The following CFAP97 variants were observed in gnomAD, a reference collection of about 807,000 sequenced individuals.
CFAP97 encodes cilia and flagella associated protein 97, also known as cilia- and flagella-associated protein 97.
CFAP97 carries 36 observed loss-of-function variants against 43.1 expected under a neutral mutation model. That is an observed-to-expected ratio of 0.84 (90% confidence interval 0.64 to 1.10). The LOEUF is 1.10. Among genes scored for constraint, CFAP97 ranks in the 50% least tolerant of loss-of-function variants. The pLI is 0.00. For missense variants in CFAP97, 657 were observed against 620.3 expected (o/e 1.06, Z -0.63); for synonymous variants, 228 against 225.7 (o/e 1.01, Z -0.09).
intron 3 of CFAP97, among the ~76,000 whole-genome samples, chr4:185,164,987 C>G (rs184634296): frequency 6.6e-6 from 1 of 152,324 alleles, no homozygotes; most frequent in African/African-American, 2.4e-5. Context: ...GAAAGGCCAG[C>G]AGGGAGGGCC....
chr4:185,190,649 C>T lies in CFAP97; in HGVS notation c.548G>A (p.Gly183Asp). The change falls in exon 2 of 5, where the codon GGT becomes GAT. Residue 183 changes from glycine (G) to aspartate (D), a missense_variant. By Grantham distance (94) the Gly-to-Asp change is moderately conservative. Transcript: ENST00000458385. ...SSSSLSSSSS[G>D]SGTDCLDAGS... is the part of the protein sequence containing the mutation. ...TGCATCTAAACAATCTGTACCTGAA[C>T]CTGAAGATGAGGAAGATAAAGAGGA... The T allele has an allele frequency of 6.3e-7, 1 of 1,586,140 alleles. No homozygotes were observed. Among genetic ancestry groups the T allele is most frequent in the Non-Finnish European group, 8.6e-7 (1 of 1,165,144 alleles).
intron 1 of CFAP97, among the ~76,000 whole-genome samples, chr4:185,198,154 C>T (rs1475816675): frequency 3.9e-5 from 6 of 152,136 alleles, no homozygotes; most frequent in Admixed American, 1.3e-4. Context: ...AGAAAAGAAG[C>T]CTGCTCAGCC....
intron 2 of CFAP97, among the ~76,000 whole-genome samples, chr4:185,176,981 T>C (rs900315047): frequency 2.0e-5 from 3 of 152,252 alleles, no homozygotes; most frequent in African/African-American, 7.2e-5. Flanking sequence ...TTTTGCATAC[T>C]ATAATTTTTA....
intron 2 of CFAP97, 142 bp downstream of exon 2, chr4:185,190,001 G>A: frequency 1.7e-6 from 1 of 580,690 alleles, no homozygotes; most frequent in Non-Finnish European, 2.8e-6. Flanking sequence ...GTAAAATAGA[G>A]TATTTGGTAA....
At chr4:185,182,417 A>T (rs1470583381) in intron 2 of CFAP97, 3 of 152,186 alleles carry the variant, frequency 2.0e-5, no homozygotes, top group African/African-American at 7.2e-5. Flanking sequence ...GAGCTAAAAG[A>T]GGTTGAATAT....
chr4:185,208,246 A>G (rs1273881219), upstream of CFAP97, among the ~76,000 whole-genome samples: 1 of 151,926 alleles, frequency 6.6e-6, no homozygotes, highest in Non-Finnish European at 1.5e-5. Context: ...TTGAACTCCT[A>G]ACTTCATGAT....
At chr4:185,177,298 G>A (rs1735589823) in intron 2 of CFAP97, among the ~76,000 whole-genome samples, 2 of 151,524 alleles carry the variant, frequency 1.3e-5, no homozygotes, top group Admixed American at 6.6e-5. Flanking sequence ...CTGTAATCTC[G>A]GCTACTCAGC....
chr4:185,171,045 C>T (rs1735285092), intron 3 of CFAP97, among the ~76,000 whole-genome samples: 1 of 144,022 alleles, frequency 6.9e-6, no homozygotes, highest in African/African-American at 2.5e-5. Context: ...TTCATACATG[C>T]CTTTTATTTT....
chr4:185,192,816 G>C (rs576058048), intron 1 of CFAP97, among the ~76,000 whole-genome samples: 63 of 138,572 alleles, frequency 4.5e-4, no homozygotes, highest in African/African-American at 1.1e-3. Context: ...TCTCGGCTCA[G>C]TGCAAGCTCC....
chr4:185,196,137 TCCA>T (rs1736530832), intron 1 of CFAP97, among the ~76,000 whole-genome samples: 1 of 152,192 alleles, frequency 6.6e-6, no homozygotes, highest in African/African-American at 2.4e-5. Context: ...GTAGCTCATG[TCCA>T]TCATTAAACT....
chr4:185,189,437 C>T (rs954556929), intron 2 of CFAP97, among the ~76,000 whole-genome samples: 1 of 152,068 alleles, frequency 6.6e-6, no homozygotes, highest in Non-Finnish European at 1.5e-5. Flanking sequence ...TTATCATCAA[C>T]GGACCTAAAA....
intron 3 of CFAP97, 85 bp downstream of exon 3, chr4:185,175,701 G>T: frequency 1.6e-6 from 2 of 1,232,644 alleles, no homozygotes; most frequent in Non-Finnish European, 1.1e-6. Flanking sequence ...TTGAATATTT[G>T]GCTGTATTTA....
chr4:185,188,131 G>A (rs951666879), intron 2 of CFAP97, among the ~76,000 whole-genome samples: 9 of 152,004 alleles, frequency 5.9e-5, no homozygotes, highest in Non-Finnish European at 8.8e-5. Context: ...TCTTGAGCTC[G>A]TGATCCGCCT....
chr4:185,209,256 T>C lies in CFAP97; in HGVS notation c.-74+69A>G, dbSNP rs1172848804. 6.6e-6 allele frequency: 1 copy of C among 152,214 alleles called. No homozygotes were observed. Among genetic ancestry groups the C allele is most frequent in the Non-Finnish European group, 1.5e-5 (1 of 68,032 alleles). 9.4% of individuals were successfully genotyped at this position (152,214 alleles called of 1,614,324 possible). A position where few individuals can be genotyped will look rare whatever the true frequency, so the allele number is the denominator to read the frequency against. The stretch of plus-strand genomic sequence containing the variant: ...CGAGTGAAAACCAGGCAGAAATGTT[T>C]GCCGGCTGTAAGCAAAGCGAAGAGG... On this transcript the variant is annotated intron_variant, in intron 1 of 2. Transcript: ENST00000503223. This position sits in a 1 kb window ranked among gnomAD's most constrained non-coding sequence, Gnocchi z 5.2.
intron 2 of CFAP97, among the ~76,000 whole-genome samples, chr4:185,189,450 C>A (rs1360058171): frequency 6.6e-6 from 1 of 152,062 alleles, no homozygotes; most frequent in Non-Finnish European, 1.5e-5. Flanking sequence ...ACCTAAAACC[C>A]ACCCAGTATT....
At chr4:185,171,283 T>A (rs1211531979) in intron 3 of CFAP97, among the ~76,000 whole-genome samples, 1 of 152,102 alleles carries the variant, frequency 6.6e-6, no homozygotes. Flanking sequence ...GAGGATCACT[T>A]CAGCCCAGGA....
chr4:185,167,917 T>G (rs1735131722), intron 3 of CFAP97, among the ~76,000 whole-genome samples: 1 of 148,874 alleles, frequency 6.7e-6, no homozygotes, highest in South Asian at 2.1e-4. Context: ...GAGAATCACT[T>G]GAACCTGGAA....
intron 1 of CFAP97, among the ~76,000 whole-genome samples, chr4:185,193,140 T>C (rs1736377571): frequency 1.3e-5 from 2 of 152,150 alleles, no homozygotes; most frequent in East Asian, 1.9e-4. Context: ...GATCAGCTTA[T>C]TGTTGCCAGA....
chr4:185,168,880 T>G (rs903515973), intron 3 of CFAP97: 5 of 150,726 alleles, frequency 3.3e-5, no homozygotes, highest in African/African-American at 7.3e-5. Flanking sequence ...GCCACTGCAC[T>G]CCAGCCTGGG....
Sources: allele counts gnomAD v4.1 joint callset (sites outside exome capture counted in the v4.1 genomes callset), GRCh38; gene constraint gnomAD v4.1.1; non-coding constraint Gnocchi (gnomAD v3.1); transcripts MANE v1.5; gene names NCBI Gene and HGNC (gene_info 2026-07-23, HGNC 2026-07-21).